The following GIP variants were observed in gnomAD, a reference collection of about 807,000 sequenced individuals.
GIP encodes the protein gastric inhibitory polypeptide.
In GIP, 16 loss-of-function variants were observed where a neutral mutation model predicts 18.1. The ratio of observed to expected loss-of-function variants is 0.88; its 90% CI spans 0.60 to 1.34. The LOEUF (loss-of-function observed/expected upper bound fraction) is 1.34. Ranked by LOEUF, GIP falls within the 40% of genes most tolerant of loss-of-function variation. The pLI, the probability that GIP is intolerant of heterozygous loss-of-function variation, is 0.00. For missense variants in GIP, 192 were observed against 183.4 expected (o/e 1.05, Z -0.27); for synonymous variants, 76 against 74.0 (o/e 1.03, Z -0.14).
Position 48,958,707 on chromosome 17 carries a change from T to C in GIP, c.462A>G (p.Ter154TrpextTer2), listed in dbSNP as rs2041182308. 6 of 1,582,134 alleles carry C rather than the reference T, an allele frequency of 3.8e-6. No individual in the cohort carries two copies. Among genetic ancestry groups the C allele is most frequent in the Non-Finnish European group, 5.2e-6 (6 of 1,164,186 alleles). The change falls in exon 6 of 6, where the codon TGA (stop) becomes TGG (tryptophan). Residue 154 changes from the stop codon to tryptophan (W), a stop_lost. Coordinates refer to ENST00000357424, the MANE Select transcript of GIP (RefSeq NM_004123.3). ...AGTCCTGAGCTGGGTGTGGTCAGAG[T>C]CACCGAGACCTGGGGAGAGTGGGGA... Reference protein sequence around the residue: ...QTNLCRLRSR* With the variant: ...QTNLCRLRSRW
chr17:48,965,577 C>A lies in GIP; in HGVS notation c.87-1097G>T, dbSNP rs140069352. 7.2e-3 allele frequency among the ~76,000 whole-genome samples: 889 copies of A among 123,058 alleles called. 6 individuals carry two copies. Among genetic ancestry groups the A allele is most frequent in the African/African-American group, 0.026 (839 of 31,696 alleles). 80.7% of individuals were successfully genotyped at this position (123,058 alleles called of 152,430 possible). Reference sequence around the variant, plus strand: ...CGGAGATCGCGCCACTGCACTCCAGCCTAGGTGACAAAGGGAGACTCCATC... The same window carrying A: ...CGGAGATCGCGCCACTGCACTCCAGACTAGGTGACAAAGGGAGACTCCATC... On this transcript the variant is annotated intron_variant, in intron 2 of 5. Coordinates refer to ENST00000357424, the MANE Select transcript of GIP (RefSeq NM_004123.3).
chr17:48,961,031 C>T (rs1327176035), intron 4 of GIP, 44 bp from the exon 5 acceptor site: 21 of 1,332,620 alleles, frequency 1.6e-5, no homozygotes, highest in Non-Finnish European at 2.1e-5. Flanking sequence ...GCCTGAGCTT[C>T]GCCCAGAGAG....
intron 2 of GIP, among the ~76,000 whole-genome samples, chr17:48,965,683 C>A (rs1457430557): frequency 6.6e-6 from 1 of 151,660 alleles, no homozygotes; most frequent in African/African-American, 2.4e-5. Context: ...TTTATTCCTC[C>A]TGCCCTGGCC....
intron 5 of GIP, among the ~76,000 whole-genome samples, chr17:48,959,694 G>A (rs1478755302): frequency 6.6e-6 from 1 of 152,212 alleles, no homozygotes; most frequent in Non-Finnish European, 1.5e-5. Context: ...CCATCACCAG[G>A]AAGGTGCCAT....
At chr17:48,963,880 G>A (rs2041215817) in intron 3 of GIP, among the ~76,000 whole-genome samples, 1 of 145,328 alleles carries the variant, frequency 6.9e-6, no homozygotes, top group Non-Finnish European at 1.5e-5. Flanking sequence ...GAGAGGCGGG[G>A]TATGGTGGCT....
In GIP at chr17:48,967,163, T is replaced by C. The variant is rs1177682873; in HGVS notation, c.70A>G (p.Lys24Glu). The change falls in exon 2 of 6, where the codon AAA becomes GAA. Residue 24 changes from lysine to glutamate, a missense_variant. Coordinates refer to ENST00000357424, the MANE Select transcript of GIP (RefSeq NM_004123.3). ...LFLAVGLGEKKEGHFSALPSL... is the reference protein window; with the variant it reads ...LFLAVGLGEKEEGHFSALPSL... ...CACTCCTACCTGAAGTGACCCTCTT[T>C]CTTCTCTCCTAGTCCCACTGCCAGG... is the stretch of plus-strand genomic sequence containing the variant. 2 of 1,613,098 alleles carry C rather than the reference T, an allele frequency of 1.2e-6. No individual in the cohort carries two copies. Among genetic ancestry groups the C allele is most frequent in the Admixed American group, 3.3e-5 (2 of 59,982 alleles).
At chr17:48,960,852 G>C (rs2041196702) in intron 5 of GIP, 34 bp downstream of exon 5, 1 of 1,331,434 alleles carries the variant, frequency 7.5e-7, no homozygotes, top group South Asian at 1.2e-5. Flanking sequence ...CCAAGCTCAA[G>C]TTAGAACCGC....
Position 48,961,731 on chromosome 17 carries a change from G to A in GIP, c.346C>T (p.Gln116Ter). ...NRKEEEAVEP[Q>*]SSPAKNPSDE... The stretch of plus-strand genomic sequence containing the variant: ...TCCCTCTGCGCCCTGACTCACCTCT[G>A]TGGCTCCACTGCCTCCTCCTCCTTC... The change falls in exon 4 of 6, where the codon CAG becomes TAG. Residue 116 changes from glutamine to a stop codon, truncating the protein, a stop_gained. Transcript: ENST00000357424. LOFTEE classifies it high-confidence loss of function. 1 of 1,606,530 alleles carries A rather than the reference G, an allele frequency of 6.2e-7. No individual in the cohort carries two copies. Among genetic ancestry groups the A allele is most frequent in the Non-Finnish European group, 8.5e-7 (1 of 1,174,898 alleles).
chr17:48,968,080 G>A (rs925872023), intron 1 of GIP, among the ~76,000 whole-genome samples: 3 of 151,644 alleles, frequency 2.0e-5, no homozygotes, highest in African/African-American at 4.8e-5. Flanking sequence ...AAACATCAGC[G>A]CTACCTTCTC....
rs780625626 is a variant in GIP at position 48,961,833 on chromosome 17, G to C, written c.258-14C>G. The stretch of plus-strand genomic sequence containing the variant: ...TTGTGTTTCCAGCTGGGAAGATAAA[G>C]ATTAGAGAGTGGGCAAGCTGCGGAG... On this transcript the variant is annotated splice_polypyrimidine_tract_variant and intron_variant, in intron 3 of 5. Transcript: ENST00000357424. The C allele has an allele frequency of 6.3e-7, 1 of 1,596,476 alleles. No homozygotes were observed. Among genetic ancestry groups the C allele is most frequent in the Non-Finnish European group, 8.6e-7 (1 of 1,166,344 alleles).
intron 3 of GIP, 70 bp downstream of exon 3, chr17:48,964,240 G>T: frequency 8.3e-7 from 1 of 1,204,048 alleles, no homozygotes; most frequent in African/African-American, 1.5e-5. Flanking sequence ...GCCACAGCCG[G>T]TGGCCTCCTC....
chr17:48,964,471 G>T lies in GIP; in HGVS notation c.96C>A (p.Pro32=), dbSNP rs370206790. The change falls in exon 3 of 6, where the codon CCC becomes CCA. Residue 32 remains proline (P), a synonymous_variant. Transcript: ENST00000357424. The part of the protein sequence containing the change: ...EKKEGHFSAL[P]SLPVGSHAKV... ...TAGCATGAGATCCAACAGGCAGGGA[G>T]GGGAGAGCGCTGGAAACAAGGGTGC... is the stretch of plus-strand genomic sequence containing the variant. 6.2e-7 allele frequency: 1 copy of T among 1,613,790 alleles called. No individual in the cohort carries two copies. Among genetic ancestry groups the T allele is most frequent in the East Asian group, 2.2e-5 (1 of 44,890 alleles).
intron 2 of GIP, 141 bp downstream of exon 2, chr17:48,967,006 C>T: frequency 1.6e-6 from 1 of 636,212 alleles, no homozygotes. Flanking sequence ...TGCACTCACG[C>T]TGCCGGCAGG....
At chr17:48,961,678 G>A (rs773058804) in intron 4 of GIP, 49 bp downstream of exon 4, 1 of 1,150,742 alleles carries the variant, frequency 8.7e-7, no homozygotes, top group Non-Finnish European at 1.3e-6. Context: ...AGAGGTGGGG[G>A]CGGGGCAGGA....
At chr17:48,961,679 C>A in intron 4 of GIP, 48 bp downstream of exon 4, 1 of 1,162,154 alleles carries the variant, frequency 8.6e-7, no homozygotes, top group Non-Finnish European at 1.3e-6. Context: ...GAGGTGGGGG[C>A]GGGGCAGGAG....
In GIP at chr17:48,962,985, T is replaced by C. The variant is rs532016940; in HGVS notation, c.258-1166A>G. Among the ~76,000 whole-genome samples, 18 of 152,050 alleles carry C rather than the reference T, an allele frequency of 1.2e-4. No homozygotes were observed. The South Asian group carries it at 2.7e-3, about 23-fold the overall frequency. On this transcript the variant is annotated intron_variant, in intron 3 of 5. Coordinates refer to ENST00000357424, the MANE Select transcript of GIP (RefSeq NM_004123.3). ...ATCCGTGCATGGTGGCGGGCACCTGTAGTCCCAGCTACTCAGGAGGCTGAG... is the reference window on the plus strand; with the variant it reads ...ATCCGTGCATGGTGGCGGGCACCTGCAGTCCCAGCTACTCAGGAGGCTGAG...
intron 2 of GIP, among the ~76,000 whole-genome samples, chr17:48,966,762 C>T (rs149245935): frequency 3.3e-5 from 5 of 151,500 alleles, no homozygotes; most frequent in Non-Finnish European, 7.4e-5. Context: ...GCTGCGATCA[C>T]GCCACTGCAC....
Position 48,963,863 on chromosome 17 carries a change from AG to A in GIP, c.257+446del, listed in dbSNP as rs1384540407. ...TCTCAAAAAAAAAAAAAAAAAAAAA[AG>A]AGAGAGAGAGGCGGGGTATGGTGGC... On this transcript the variant is annotated intron_variant, in intron 3 of 5. Coordinates refer to ENST00000357424, the MANE Select transcript of GIP (RefSeq NM_004123.3). Among the ~76,000 whole-genome samples the A allele has an allele frequency of 3.0e-5, 4 of 131,186 alleles. No homozygotes were observed. The East Asian group carries it at 6.3e-4, about 21-fold the overall frequency. The allele number at this position is 131,186 out of a possible 152,430, so 86.1% of individuals were successfully genotyped here.
chr17:48,967,520 C>T (rs904391273), intron 1 of GIP, among the ~76,000 whole-genome samples: 3 of 151,674 alleles, frequency 2.0e-5, no homozygotes, highest in Non-Finnish European at 2.9e-5. Flanking sequence ...CCACCACTCC[C>T]GGCTAATTTT....
Sources: allele counts gnomAD v4.1 joint callset (sites outside exome capture counted in the v4.1 genomes callset), GRCh38; gene constraint gnomAD v4.1.1; transcripts MANE v1.5; gene names NCBI Gene and HGNC (gene_info 2026-07-23, HGNC 2026-07-21).